USP8: variants seen among roughly 807,000 people sequenced by gnomAD.
USP8 encodes ubiquitin specific peptidase 8, also known as ubiquitin carboxyl-terminal hydrolase 8.
USP8 carries 27 observed loss-of-function variants against 130.0 expected under a neutral mutation model. The observed-to-expected ratio is 0.21, with a 90% CI of 0.15 to 0.29. USP8 has a LOEUF of 0.29. Ranked by LOEUF, USP8 falls within the 10% of genes least tolerant of loss-of-function variation. USP8 has a pLI of 1.00. For missense variants in USP8, 1,029 were observed against 1,312.2 expected, an observed-to-expected ratio of 0.78 and a Z score of 3.33; for synonymous variants, 392 against 444.1, an observed-to-expected ratio of 0.88 and a Z score of 1.48.
intron 12 of USP8, among the ~76,000 whole-genome samples, chr15:50,488,552 C>CTTTTTTTT (rs397853938): frequency 1.4e-5 from 1 of 70,894 alleles, no homozygotes; most frequent in Non-Finnish European, 2.5e-5. Context: ...TCAAGGTTGG[C>CTTTTTTTT]TTTTTTTTTT....
chr15:50,444,083 T>C (rs1463050481), intron 3 of USP8, among the ~76,000 whole-genome samples: 1 of 151,138 alleles, frequency 6.6e-6, no homozygotes, highest in African/African-American at 2.4e-5. Context: ...TTTGCTGTTT[T>C]GTTTGTGTGG....
At chr15:50,439,234 C>A in intron 2 of USP8, 57 bp downstream of exon 2, 3 of 1,140,312 alleles carry the variant, frequency 2.6e-6, no homozygotes, top group South Asian at 1.8e-5. Flanking sequence ...TAGTTCGTTT[C>A]CATATTAAAG....
chr15:50,445,761 G>A (rs979155643), intron 3 of USP8, among the ~76,000 whole-genome samples: 3 of 150,796 alleles, frequency 2.0e-5, no homozygotes, highest in South Asian at 2.1e-4. Flanking sequence ...GAAGGCCGAG[G>A]CAGGCGAATT....
rs200518441 is a variant in USP8 at position 50,482,045 on chromosome 15, G to C, written c.1783G>C (p.Gly595Arg). Residue 595 changes from glycine to arginine, a missense_variant, in exon 11 of 20, where the codon GGG (glycine) becomes CGG (arginine). Gly to Arg is a moderately radical substitution (Grantham distance 125). Around this residue, in one of 4 missense-constraint regions of USP8, gnomAD observed 486 missense variants for 522.0 expected, o/e 0.93. Coordinates refer to ENST00000307179, the MANE Select transcript of USP8 (RefSeq NM_005154.5). The part of the protein sequence containing the change: ...TGDVPHTSVT[G>R]DSGSGKPFKI... ...AGATGTGCCCCATACATCTGTGACA[G>C]GGGATTCAGGTTCAGGCAAGGTAAG... 2.0e-6 allele frequency: 3 copies of C among 1,508,680 alleles called. No homozygotes were observed. The highest frequency in any genetic ancestry group is 1.4e-5 in the African/African-American group (1 of 69,966). The allele number at this position is 1,508,680 out of a possible 1,614,324, so 93.5% of individuals were successfully genotyped here. A position where few individuals can be genotyped will look rare whatever the true frequency, so the allele number is the denominator to read the frequency against.
intron 1 of USP8, among the ~76,000 whole-genome samples, chr15:50,437,852 A>AC (rs1204445247): frequency 1.3e-5 from 2 of 152,250 alleles, no homozygotes; most frequent in African/African-American, 2.4e-5. Context: ...TAGACACAGG[A>AC]CCCAGGGTGG....
At chr15:50,492,513 A>G (rs565928765) in intron 14 of USP8, among the ~76,000 whole-genome samples, 188 bp from the exon 15 acceptor site, 1 of 152,236 alleles carries the variant, frequency 6.6e-6, no homozygotes, top group Non-Finnish European at 1.5e-5. Context: ...CTGAGACCTT[A>G]GTCGTATGAC....
intron 4 of USP8, among the ~76,000 whole-genome samples, chr15:50,453,860 CTTTTTTTTTT>C (rs71124355): frequency 2.3e-5 from 2 of 86,962 alleles, no homozygotes; most frequent in Non-Finnish European, 4.1e-5. Flanking sequence ...TGGGAATATT[CTTTTTTTTTT>C]TTTTTTTTTT....
In USP8 at chr15:50,509,412, C is replaced by T. The variant is rs2052709651; in HGVS notation, c.*10324C>T. On this transcript the variant is annotated 3_prime_UTR_variant, in exon 20 of 20. Transcript: ENST00000307179. ...CATGTAATCCCAGCACTTTGGAAGG[C>T]TGAGGCAGGCGGATCACCAGGTCAG... 6.6e-6 allele frequency: 1 copy of T among 152,114 alleles called. No homozygotes were observed. Among genetic ancestry groups the T allele is most frequent in the African/African-American group, 2.4e-5 (1 of 41,384 alleles). The allele number at this position is 152,114 out of a possible 1,614,324, so 9.4% of individuals were successfully genotyped here.
At position 50,509,151 on chromosome 15, in the gene USP8, A is replaced by T. The variant is rs1018006985; in HGVS notation, c.*10063A>T. ...CCGTCACAAAAAAAAAAAAAAAAAAAAAAAAAAAAATTACAAAATTAGCTG... is the reference window on the plus strand; with the variant it reads ...CCGTCACAAAAAAAAAAAAAAAAAATAAAAAAAAAATTACAAAATTAGCTG... On this transcript the variant is annotated 3_prime_UTR_variant, in exon 20 of 20. Transcript: ENST00000307179. The T allele has an allele frequency of 6.8e-6, 1 of 146,326 alleles. No homozygotes were observed. Among genetic ancestry groups the T allele is most frequent in the Non-Finnish European group, 1.5e-5 (1 of 66,694 alleles). The allele number at this position is 146,326 out of a possible 1,614,324, so 9.1% of individuals were successfully genotyped here. A position where few individuals can be genotyped will look rare whatever the true frequency, so the allele number is the denominator to read the frequency against.
chr15:50,476,263 C>T (rs1336450297), intron 8 of USP8, among the ~76,000 whole-genome samples: 1 of 152,122 alleles, frequency 6.6e-6, no homozygotes. Context: ...AACCCCAGCT[C>T]ACGAAAAGTA....
At chr15:50,469,986 C>G (rs980260676) in intron 7 of USP8, among the ~76,000 whole-genome samples, 1 of 152,114 alleles carries the variant, frequency 6.6e-6, no homozygotes, top group Non-Finnish European at 1.5e-5. Flanking sequence ...CATGCACCAC[C>G]ACTTCCAGCT....
rs371404791 is a variant in USP8 at position 50,495,835 on chromosome 15, A to G, written c.2659-13A>G. On this transcript the variant is annotated splice_polypyrimidine_tract_variant and intron_variant, in intron 16 of 19. Coordinates refer to ENST00000307179, the MANE Select transcript of USP8 (RefSeq NM_005154.5). ...GAGATATTAATATAGAGCTTAAATC[A>G]TTTTATTTCCAGGCTGATAATCGGA... 7 of 1,593,508 alleles carry G rather than the reference A, an allele frequency of 4.4e-6. No homozygotes were observed. The highest frequency in any genetic ancestry group is 1.1e-5 in the South Asian group (1 of 89,596).
chr15:50,473,237 C>G (rs1357445138), intron 8 of USP8, among the ~76,000 whole-genome samples: 1 of 151,884 alleles, frequency 6.6e-6, no homozygotes, highest in African/African-American at 2.4e-5. Context: ...TAGGACCCCC[C>G]ACAAATAACA....
At chr15:50,462,401 C>G (rs2141282046) in intron 6 of USP8, 79 bp downstream of exon 6, 1 of 1,265,370 alleles carries the variant, frequency 7.9e-7, no homozygotes, top group East Asian at 2.5e-5. Flanking sequence ...AGGTTTTATA[C>G]AATGAGATTC....
At chr15:50,456,137 C>T (rs947086483) in intron 4 of USP8, among the ~76,000 whole-genome samples, 1 of 152,188 alleles carries the variant, frequency 6.6e-6, no homozygotes, top group East Asian at 1.9e-4. Context: ...AATTAGAATT[C>T]TCTTTCCTAC....
At chr15:50,433,622 T>A (rs759792160) in intron 1 of USP8, among the ~76,000 whole-genome samples, 10 of 152,212 alleles carry the variant, frequency 6.6e-5, no homozygotes, top group South Asian at 4.1e-4. Flanking sequence ...TTATTTATTT[T>A]TTTTTGAGAT....
At chr15:50,448,177 C>G (rs889769857) in intron 3 of USP8, among the ~76,000 whole-genome samples, 2 of 152,144 alleles carry the variant, frequency 1.3e-5, no homozygotes, top group African/African-American at 4.8e-5. Flanking sequence ...CTCTTCATGA[C>G]TGAGAGCCAA....
intron 1 of USP8, among the ~76,000 whole-genome samples, chr15:50,437,032 C>T (rs1423832766): frequency 6.6e-6 from 1 of 151,734 alleles, no homozygotes; most frequent in Non-Finnish European, 1.5e-5. Flanking sequence ...TTTTTTGTTA[C>T]TTGCTTGTTT....
intron 5 of USP8, 102 bp from the exon 6 acceptor site, chr15:50,462,178 T>C (rs2051030445): frequency 1.0e-6 from 1 of 959,360 alleles, no homozygotes; most frequent in Admixed American, 2.6e-5. Flanking sequence ...CTCTGCACAG[T>C]TCGTTTCTTA....
Sources: allele counts gnomAD v4.1 joint callset (sites outside exome capture counted in the v4.1 genomes callset), GRCh38; gene constraint gnomAD v4.1.1; regional missense constraint gnomAD v4.1.1; transcripts MANE v1.5; gene names NCBI Gene and HGNC (gene_info 2026-07-23, HGNC 2026-07-21).